PTBP2: variants seen among roughly 807,000 people sequenced by gnomAD.
PTBP2 encodes the protein polypyrimidine tract-binding protein 2.
PTBP2 carries 13 observed loss-of-function variants against 61.4 expected under a neutral mutation model. The observed-to-expected ratio is 0.21, with a 90% CI of 0.14 to 0.34. The LOEUF is 0.34. PTBP2 is among the 10% of genes least tolerant of loss of function. The pLI, the probability that PTBP2 is intolerant of heterozygous loss-of-function variation, is 1.00. For synonymous variants in PTBP2, 215 were observed against 218.5 expected (o/e 0.98, Z 0.14); for missense variants, 405 against 642.6 (o/e 0.63, Z 4.00).
In PTBP2 at chr1:96,804,912, C is replaced by T. The variant is rs772316487; in HGVS notation, c.1017C>T (p.Val339=). 1.3e-6 allele frequency: 2 copies of T among 1,599,270 alleles called. No homozygotes were observed. The highest frequency in any genetic ancestry group is 4.5e-5 in the East Asian group (2 of 44,808). ...MPGVSAGGNT[V]LLVSNLNEEM... is the part of the protein sequence containing the mutation. ...GAGTCTCAGCTGGTGGCAATACAGT[C>T]CTGTTGGTTAGCAATTTAAATGAAG... The change falls in exon 9 of 14, where the codon GTC becomes GTT. Residue 339 remains valine (V), a synonymous_variant. Coordinates refer to ENST00000674951, the MANE Select transcript of PTBP2 (RefSeq NM_021190.4).
Position 96,722,021 on chromosome 1 carries a change from C to T in PTBP2, c.8+149C>T. The T allele has an allele frequency of 2.1e-5, 22 of 1,041,510 alleles. No homozygotes were observed. The South Asian group carries it at 3.0e-4, about 14-fold the overall frequency. 64.5% of individuals were successfully genotyped at this position (1,041,510 alleles called of 1,614,324 possible). A position where few individuals can be genotyped will look rare whatever the true frequency, so the allele number is the denominator to read the frequency against. On this transcript the variant is annotated intron_variant, in intron 1 of 13. Transcript: ENST00000674951. ...CCCCCGCCCCATCGCACACACCCCTCCCTTTGCTTCCCCCGGCGGGCTTTG... is the reference window on the plus strand; with the variant it reads ...CCCCCGCCCCATCGCACACACCCCTTCCTTTGCTTCCCCCGGCGGGCTTTG...
At chr1:96,762,681 C>A (rs1656107550) in intron 3 of PTBP2, among the ~76,000 whole-genome samples, 1 of 151,030 alleles carries the variant, frequency 6.6e-6, no homozygotes, top group Non-Finnish European at 1.5e-5. Context: ...CTGACCCCCC[C>A]ACCTCCCTCC....
At chr1:96,821,578 C>G (rs1025124531) in exon 14 of PTBP2, 1 of 151,958 alleles carries the variant, frequency 6.6e-6, no homozygotes, top group Admixed American at 6.6e-5. Context: ...AAAATAGCTC[C>G]TAGAAATATG....
intron 3 of PTBP2, among the ~76,000 whole-genome samples, chr1:96,763,443 C>T (rs1377347703): frequency 5.3e-5 from 8 of 151,384 alleles, no homozygotes; most frequent in Non-Finnish European, 7.4e-5. Flanking sequence ...TCAGGCGTGG[C>T]GGCGCGTGCC....
At position 96,752,648 on chromosome 1, in the gene PTBP2, G is replaced by C. The variant is rs147242668; in HGVS notation, c.115+1148G>C. On this transcript the variant is annotated intron_variant, in intron 3 of 13. Transcript: ENST00000674951. ...AAATAGGCAGAAGTGTGTAACTCTGGTTTGTCGGTTTCTCTTTTTGTTTTT... is the reference window on the plus strand; with the variant it reads ...AAATAGGCAGAAGTGTGTAACTCTGCTTTGTCGGTTTCTCTTTTTGTTTTT... Among the ~76,000 whole-genome samples the C allele has an allele frequency of 1.2e-3, 186 of 152,130 alleles. No individual in the cohort carries two copies. In the Middle Eastern group the frequency reaches 0.014, roughly 11 times the overall value.
intron 9 of PTBP2, among the ~76,000 whole-genome samples, chr1:96,805,780 C>G (rs1386043071): frequency 6.6e-6 from 1 of 152,150 alleles, no homozygotes; most frequent in Non-Finnish European, 1.5e-5. Flanking sequence ...AATCAGAGTG[C>G]CTTTGTTTTT....
chr1:96,735,508 A>G (rs1316256108), intron 2 of PTBP2, among the ~76,000 whole-genome samples: 1 of 152,184 alleles, frequency 6.6e-6, no homozygotes, highest in Non-Finnish European at 1.5e-5. Flanking sequence ...AGATGAGGAA[A>G]AGACTTATGC....
intron 2 of PTBP2, among the ~76,000 whole-genome samples, chr1:96,739,383 TTAA>T (rs1408880891): frequency 9.2e-5 from 14 of 152,114 alleles, no homozygotes; most frequent in African/African-American, 3.4e-4. Flanking sequence ...TTATACGTAC[TTAA>T]TAATATTACA....
chr1:96,784,963 C>G, intron 7 of PTBP2, 96 bp from the exon 8 acceptor site: 2 of 1,017,868 alleles, frequency 2.0e-6, no homozygotes, highest in South Asian at 3.6e-5. Context: ...CTTTTAAGTT[C>G]GAGTTTTTGT....
In PTBP2 at chr1:96,812,701, T is replaced by G. The variant is rs773788756; in HGVS notation, c.1172-11T>G. 5.2e-6 allele frequency: 8 copies of G among 1,540,158 alleles called. No individual in the cohort carries two copies. Among genetic ancestry groups the G allele is most frequent in the African/African-American group, 1.4e-5 (1 of 73,084 alleles). ...ATATTGTTTGTTAATAGACATGCTT[T>G]CTTTTTATAGCCATGAATCATCTTA... On this transcript the variant is annotated splice_polypyrimidine_tract_variant and intron_variant, in intron 11 of 13. Transcript: ENST00000674951.
In PTBP2 at chr1:96,746,892, TCCC is replaced by T; in HGVS notation, c.40-4532_40-4530del. ...GTCTGTCCCTCCCTCCCTCCCTCCC[TCCC>T]TCCCTCCCTCCCTCCCTCCCTTCCT... On this transcript the variant is annotated intron_variant, in intron 2 of 13. Transcript: ENST00000674951. Among the ~76,000 whole-genome samples, 6 of 30,668 alleles carry T rather than the reference TCCC, an allele frequency of 2.0e-4. No homozygotes were observed. The East Asian group carries it at 3.9e-3, about 20-fold the overall frequency. The allele number at this position is 30,668 out of a possible 152,430, so 20.1% of individuals were successfully genotyped here.
chr1:96,764,155 A>C (rs1192398495), intron 3 of PTBP2, among the ~76,000 whole-genome samples: 1 of 152,104 alleles, frequency 6.6e-6, no homozygotes, highest in Non-Finnish European at 1.5e-5. Flanking sequence ...CTTTCTCTGT[A>C]CTTGTTGAAT....
At chr1:96,820,371 T>C (rs1662645360) in exon 14 of PTBP2, 1 of 152,116 alleles carries the variant, frequency 6.6e-6, no homozygotes, top group South Asian at 2.1e-4. Flanking sequence ...TATTAGACAT[T>C]GAAAATGCAT....
intron 4 of PTBP2, 89 bp from the exon 5 acceptor site, chr1:96,770,619 T>C: frequency 1.8e-6 from 2 of 1,109,630 alleles, no homozygotes; most frequent in Non-Finnish European, 2.6e-6. Flanking sequence ...ATATTCTAGA[T>C]AATTGATTAA....
At chr1:96,757,563 A>T (rs1471587920) in intron 3 of PTBP2, among the ~76,000 whole-genome samples, 1 of 152,190 alleles carries the variant, frequency 6.6e-6, no homozygotes, top group African/African-American at 2.4e-5. Flanking sequence ...AAATAAAAAG[A>T]TACATAATTT....
At chr1:96,778,423 C>T (rs1215090119) in intron 7 of PTBP2, among the ~76,000 whole-genome samples, 5 of 151,576 alleles carry the variant, frequency 3.3e-5, no homozygotes, top group African/African-American at 1.2e-4. Context: ...TTTCTAGTCA[C>T]TTTTTATTCA....
chr1:96,751,241 G>A (rs1481541056), intron 2 of PTBP2, 184 bp from the exon 3 acceptor site: 2 of 676,938 alleles, frequency 3.0e-6, no homozygotes, highest in African/African-American at 1.8e-5. Context: ...GAACACTGTT[G>A]CCTTTGTGAG....
chr1:96,781,395 A>C (rs546495965), intron 7 of PTBP2, among the ~76,000 whole-genome samples: 2 of 152,122 alleles, frequency 1.3e-5, no homozygotes, highest in African/African-American at 4.8e-5. Context: ...ATCATGGCTT[A>C]TAAGACTCTA....
At chr1:96,727,485 G>T (rs1650739138) in intron 2 of PTBP2, among the ~76,000 whole-genome samples, 1 of 152,120 alleles carries the variant, frequency 6.6e-6, no homozygotes, top group Non-Finnish European at 1.5e-5. Context: ...CTTTTTAAAA[G>T]TAGTTGTACC....
Sources: gnomAD v4.1 joint callset for allele counts (sites outside exome capture counted in the v4.1 genomes callset) on GRCh38, gnomAD v4.1.1 for gene constraint, MANE v1.5 for transcripts, NCBI Gene and HGNC (gene_info 2026-07-23, HGNC 2026-07-21) for gene names.